Variants in RYR3 observed in about 807,000 individuals in gnomAD.
The protein encoded by RYR3 is ryanodine receptor 3, also known as brain ryanodine receptor-calcium release channel.
A neutral mutation model predicts 584.3 loss-of-function variants in RYR3; 207 were observed. The ratio of observed to expected loss-of-function variants is 0.35; its 90% CI spans 0.32 to 0.40. The LOEUF (loss-of-function observed/expected upper bound fraction) is 0.40, where lower values mean the gene tolerates loss of function less well. Among genes scored for constraint, RYR3 ranks in the 10% least tolerant of loss-of-function variants. The pLI is 1.00. For synonymous variants in RYR3, 2,416 were observed against 2,248.5 expected (o/e 1.07, Z -2.11); for missense variants, 5,616 against 6,089.2 (o/e 0.92, Z 2.59).
intron 1 of RYR3, among the ~76,000 whole-genome samples, chr15:33,457,909 T>C (rs921368818): frequency 6.6e-6 from 1 of 152,206 alleles, no homozygotes; most frequent in African/African-American, 2.4e-5. Context: ...AGAAATTCAT[T>C]CACACCTTGT....
intron 16 of RYR3, among the ~76,000 whole-genome samples, chr15:33,600,116 C>T (rs918699087): frequency 4.6e-5 from 7 of 152,188 alleles, no homozygotes; most frequent in African/African-American, 1.7e-4. Flanking sequence ...TCATAGAGTG[C>T]TAATGGTAAG....
chr15:33,445,530 C>A (rs572745817), intron 1 of RYR3, among the ~76,000 whole-genome samples: 1 of 147,138 alleles, frequency 6.8e-6, no homozygotes, highest in African/African-American at 2.5e-5. Flanking sequence ...ATGGTGTAGA[C>A]CTTAGATTTA....
intron 99 of RYR3, chr15:33,858,206 ATTATT>A (rs756400812): frequency 8.7e-5 from 28 of 321,764 alleles, no homozygotes; most frequent in East Asian, 5.0e-4. Context: ...AAGATGAGAC[ATTATT>A]TTATTTTTTT....
chr15:33,378,426 G>A (rs924155353), intron 1 of RYR3, among the ~76,000 whole-genome samples: 14 of 152,178 alleles, frequency 9.2e-5, no homozygotes, highest in Non-Finnish European at 2.9e-5. Flanking sequence ...AACTTAAAAG[G>A]GTTCCTCATC....
Position 33,844,969 on chromosome 15 carries a change from G to A in RYR3, c.13404G>A (p.Glu4468=). The A allele has an allele frequency of 1.2e-6, 2 of 1,614,002 alleles. No homozygotes were observed. Among genetic ancestry groups the A allele is most frequent in the Non-Finnish European group, 1.7e-6 (2 of 1,179,888 alleles). Residue 4468 remains glutamate (E), a synonymous_variant, in exon 93 of 104, where the codon GAG becomes GAA. Coordinates refer to ENST00000634891, the MANE Select transcript of RYR3 (RefSeq NM_001036.6). ...CGATGGTATTCTTTGTCCTTCAGGA[G>A]AGCACCGGGTATATGGCACCAACCC... ...EEAMVFFVLQ[E]STGYMAPTLR... is the part of the protein sequence containing the mutation.
At chr15:33,821,211 G>T in intron 78 of RYR3, 59 bp from the exon 79 acceptor site, 1 of 1,380,024 alleles carries the variant, frequency 7.2e-7, no homozygotes, top group Non-Finnish European at 1.0e-6. Flanking sequence ...CTCACTATGG[G>T]TGAACTCCCT....
At chr15:33,696,147 A>G in intron 38 of RYR3, 71 bp from the exon 39 acceptor site, 1 of 1,433,912 alleles carries the variant, frequency 7.0e-7, no homozygotes. Context: ...ATTTGCATGA[A>G]GTGGCTGAAA....
chr15:33,859,377 T>C (rs1274921516), intron 99 of RYR3, among the ~76,000 whole-genome samples, 198 bp from the exon 100 acceptor site: 1 of 152,234 alleles, frequency 6.6e-6, no homozygotes, highest in Non-Finnish European at 1.5e-5. Flanking sequence ...CGACAGTCTT[T>C]CCATCTTTGT....
intron 81 of RYR3, among the ~76,000 whole-genome samples, chr15:33,824,723 C>A (rs1037397688): frequency 6.6e-6 from 1 of 152,202 alleles, no homozygotes; most frequent in Admixed American, 6.5e-5. Flanking sequence ...TTTCTCCATG[C>A]CTTTGCCCCG....
intron 97 of RYR3, 49 bp from the exon 98 acceptor site, chr15:33,854,717 C>A: frequency 6.4e-7 from 1 of 1,557,990 alleles, no homozygotes; most frequent in Admixed American, 2.0e-5. Flanking sequence ...TTATAATGAG[C>A]ACACTATGAG....
intron 65 of RYR3, among the ~76,000 whole-genome samples, chr15:33,783,620 C>T (rs954093238): frequency 9.2e-5 from 14 of 152,196 alleles, no homozygotes; most frequent in African/African-American, 2.7e-4. Context: ...ACAAACGCAC[C>T]TGAGCCTTAT....
At chr15:33,839,379 CCTCT>C (rs1384442031) in intron 89 of RYR3, among the ~76,000 whole-genome samples, 1 of 152,166 alleles carries the variant, frequency 6.6e-6, no homozygotes, top group Non-Finnish European at 1.5e-5. Context: ...TATGATTTGG[CCTCT>C]CTATGAGTTT....
At chr15:33,558,220 A>G (rs925939126) in intron 10 of RYR3, among the ~76,000 whole-genome samples, 4 of 152,010 alleles carry the variant, frequency 2.6e-5, no homozygotes, top group African/African-American at 9.7e-5. Flanking sequence ...TGCATTAGGT[A>G]TATCTCCTAA....
chr15:33,837,146 C>T (rs1484720229), intron 88 of RYR3, among the ~76,000 whole-genome samples, 159 bp downstream of exon 88: 2 of 152,188 alleles, frequency 1.3e-5, no homozygotes, highest in Non-Finnish European at 2.9e-5. Context: ...ATGAGGGGCA[C>T]CTGGTCTGAC....
At chr15:33,654,777 TTACC>T (rs2062726139) in intron 32 of RYR3, among the ~76,000 whole-genome samples, 1 of 152,188 alleles carries the variant, frequency 6.6e-6, no homozygotes, top group South Asian at 2.1e-4. Flanking sequence ...GGTCACCAGT[TTACC>T]TAACTATAGC....
At chr15:33,447,331 G>A (rs1184421990) in intron 1 of RYR3, among the ~76,000 whole-genome samples, 2 of 152,172 alleles carry the variant, frequency 1.3e-5, no homozygotes, top group Admixed American at 6.5e-5. Flanking sequence ...AGTTGAGAAT[G>A]GGGATAACTG....
intron 54 of RYR3, 51 bp from the exon 55 acceptor site, chr15:33,748,417 A>G: frequency 6.3e-7 from 1 of 1,583,472 alleles, no homozygotes; most frequent in Non-Finnish European, 8.6e-7. Flanking sequence ...GATGCCTGAT[A>G]AGAACAAGGA....
At chr15:33,861,382 G>C (rs117851452) in intron 102 of RYR3, among the ~76,000 whole-genome samples, 1 of 151,918 alleles carries the variant, frequency 6.6e-6, no homozygotes, top group Non-Finnish European at 1.5e-5. Flanking sequence ...CCTAGCAAAA[G>C]GCCAGCCCCT....
intron 1 of RYR3, among the ~76,000 whole-genome samples, chr15:33,387,935 GAAA>G (rs754665441): frequency 1.3e-5 from 2 of 151,748 alleles, no homozygotes; most frequent in South Asian, 4.2e-4. Context: ...AAGAACAGAG[GAAA>G]GAAAGAGGAG....
Sources: gnomAD v4.1 joint callset for allele counts (sites outside exome capture counted in the v4.1 genomes callset) on GRCh38, gnomAD v4.1.1 for gene constraint, MANE v1.5 for transcripts, NCBI Gene and HGNC (gene_info 2026-07-23, HGNC 2026-07-21) for gene names.